Variants in NYAP2 observed in about 807,000 individuals in gnomAD.
NYAP2 encodes the protein neuronal tyrosine-phosphorylated phosphoinositide-3-kinase adapter 2.
A neutral mutation model predicts 50.4 loss-of-function variants in NYAP2; 23 were observed. The ratio of observed to expected loss-of-function variants is 0.46; its 90% CI spans 0.33 to 0.65. The LOEUF (loss-of-function observed/expected upper bound fraction) is 0.65. Ranked by LOEUF, NYAP2 falls within the 30% of genes least tolerant of loss-of-function variation. The probability of loss-of-function intolerance (pLI) is 0.02; values close to 1 mark genes in which losing one functional copy is unlikely to be tolerated. For synonymous variants in NYAP2, 394 were observed against 365.2 expected (o/e 1.08, Z -0.90); for missense variants, 885 against 861.0 (o/e 1.03, Z -0.35).
intron 3 of NYAP2, among the ~76,000 whole-genome samples, chr2:225,463,611 A>G (rs1018565548): frequency 1.3e-5 from 2 of 152,264 alleles, no homozygotes; most frequent in African/African-American, 4.8e-5. Flanking sequence ...GTCAATCAAG[A>G]TTTAATTGTG....
intron 3 of NYAP2, among the ~76,000 whole-genome samples, chr2:225,460,528 G>A (rs1689812670): frequency 6.6e-6 from 1 of 152,162 alleles, no homozygotes; most frequent in African/African-American, 2.4e-5. Flanking sequence ...AGATCAATCA[G>A]TGTAACATTT....
rs149386426 is a variant in NYAP2, at chr2:225,450,655, T to C, written c.221+41554T>C. Among the ~76,000 whole-genome samples the C allele has an allele frequency of 2.6e-3, 394 of 152,358 alleles. 2 individuals are homozygous for C. The highest frequency in any genetic ancestry group is 0.01 in the Middle Eastern group (3 of 294). On this transcript the variant is annotated intron_variant, in intron 3 of 6. Transcript: ENST00000636099. ...GAATCTGATTTTTATGACCAGTGAA[T>C]TTGTGCATTTACATATTTATAGTCC...
chr2:225,615,442 A>G (rs934032237), intron 5 of NYAP2, among the ~76,000 whole-genome samples: 3 of 152,226 alleles, frequency 2.0e-5, no homozygotes, highest in Admixed American at 1.3e-4. Context: ...GATAAAAAAA[A>G]AGAATAATTC....
intron 3 of NYAP2, among the ~76,000 whole-genome samples, chr2:225,450,212 T>G (rs900507774): frequency 8.5e-5 from 13 of 152,168 alleles, no homozygotes; most frequent in Non-Finnish European, 4.4e-5. Context: ...CCTCATAGAC[T>G]GGAGTGTGTG....
chr2:225,412,907 G>T (rs1169209623), intron 3 of NYAP2, among the ~76,000 whole-genome samples: 1 of 152,140 alleles, frequency 6.6e-6, no homozygotes, highest in Non-Finnish European at 1.5e-5. Context: ...TAGAGACTCA[G>T]ATGGCAGCAG....
intron 3 of NYAP2, among the ~76,000 whole-genome samples, chr2:225,500,473 C>G (rs1690586369): frequency 6.6e-6 from 1 of 152,138 alleles, no homozygotes; most frequent in Non-Finnish European, 1.5e-5. Flanking sequence ...CTTCATGACT[C>G]TGTTTTAAAC....
At chr2:225,658,143 C>T (rs897865034), downstream of NYAP2, among the ~76,000 whole-genome samples, 13 of 152,284 alleles carry the variant, frequency 8.5e-5, no homozygotes, top group Non-Finnish European at 1.9e-4. Flanking sequence ...ACACACAGAA[C>T]AGAACCAACA....
At position 225,640,096 on chromosome 2, in the gene NYAP2, A is replaced by G. The variant is rs116121702; in HGVS notation, c.1829-11336A>G. Among the ~76,000 whole-genome samples the G allele has an allele frequency of 9.6e-3, 1,456 of 152,306 alleles. 25 individuals are homozygous for G. The highest frequency in any genetic ancestry group is 0.033 in the African/African-American group (1,387 of 41,554). On this transcript the variant is annotated intron_variant, in intron 6 of 6. Coordinates refer to ENST00000636099, the Ensembl canonical transcript of NYAP2. The stretch of plus-strand genomic sequence containing the variant: ...TAACCCAGGGCTTATGTGATCACAT[A>G]TACAGAGTCAGCTAATTTATGATCA...
chr2:225,554,343 CAG>C (rs1691735976), intron 4 of NYAP2, among the ~76,000 whole-genome samples: 1 of 137,774 alleles, frequency 7.3e-6, no homozygotes, highest in African/African-American at 2.7e-5. Context: ...TTTTTTGAGA[CAG>C]AATCTCATTC....
intron 2 of NYAP2, among the ~76,000 whole-genome samples, chr2:225,408,517 A>C (rs898710777): frequency 6.6e-6 from 1 of 152,060 alleles, no homozygotes; most frequent in African/African-American, 2.4e-5. Context: ...TGGATCTTAT[A>C]TACCTTCTTT....
At chr2:225,678,412 T>C in the NYAP2 span, among the ~76,000 whole-genome samples, 105 of 152,278 alleles carry the variant, frequency 6.9e-4, no homozygotes, top group African/African-American at 2.3e-3. Context: ...CTCAATTTCA[T>C]TGAGTCCTTC....
At chr2:225,666,834 TC>T in the NYAP2 span, among the ~76,000 whole-genome samples, 47 of 146,518 alleles carry the variant, frequency 3.2e-4, no homozygotes, top group African/African-American at 6.2e-4. Flanking sequence ...AGATACATAT[TC>T]CCCCCCCTCC....
chr2:225,634,393 A>G (rs1693376172), intron 6 of NYAP2, among the ~76,000 whole-genome samples: 1 of 152,124 alleles, frequency 6.6e-6, no homozygotes, highest in Non-Finnish European at 1.5e-5. Context: ...GGAGGACCAT[A>G]TTATATATTC....
chr2:225,514,119 A>G (rs909862442), intron 4 of NYAP2, among the ~76,000 whole-genome samples: 1 of 152,138 alleles, frequency 6.6e-6, no homozygotes, highest in East Asian at 1.9e-4. Context: ...TTATGTGTGT[A>G]TGTGTGTGCA....
intron 5 of NYAP2, among the ~76,000 whole-genome samples, chr2:225,600,529 A>C (rs1031764175): frequency 6.6e-6 from 1 of 152,170 alleles, no homozygotes; most frequent in African/African-American, 2.4e-5. Context: ...AGTTCCTGCC[A>C]AAGTTAGTTC....
the NYAP2 span, among the ~76,000 whole-genome samples, chr2:225,688,558 A>G: frequency 2.6e-5 from 4 of 152,090 alleles, no homozygotes; most frequent in African/African-American, 9.7e-5. Flanking sequence ...TTTTCAGTAG[A>G]TACCAAATTA....
intron 3 of NYAP2, among the ~76,000 whole-genome samples, chr2:225,424,578 G>T (rs1039333431): frequency 1.3e-5 from 2 of 151,410 alleles, no homozygotes; most frequent in African/African-American, 2.4e-5. Context: ...TAAATGCACT[G>T]GTTTAGCAAT....
chr2:225,497,346 G>A (rs1316614793), intron 3 of NYAP2, among the ~76,000 whole-genome samples: 3 of 152,134 alleles, frequency 2.0e-5, no homozygotes, highest in African/African-American at 4.8e-5. Flanking sequence ...ATGCATCCAC[G>A]CATAAGTATT....
chr2:225,659,960 A>AC, the NYAP2 span, among the ~76,000 whole-genome samples: 1 of 152,148 alleles, frequency 6.6e-6, no homozygotes, highest in African/African-American at 2.4e-5. Context: ...TGATTGGTCC[A>AC]CCCCACTATC....
Sources: gnomAD v4.1 joint callset for allele counts (sites outside exome capture counted in the v4.1 genomes callset) on GRCh38, gnomAD v4.1.1 for gene constraint, MANE v1.5 for transcripts, NCBI Gene and HGNC (gene_info 2026-07-23, HGNC 2026-07-21) for gene names.